The following TUFM variants were observed in gnomAD, a reference collection of about 807,000 sequenced individuals.
TUFM encodes the protein Tu translation elongation factor, mitochondrial.
A neutral mutation model predicts 45.0 loss-of-function variants in TUFM; 23 were observed. The observed-to-expected ratio is 0.51, with a 90% CI of 0.37 to 0.72. The LOEUF is 0.72. Among genes scored for constraint, TUFM ranks in the 30% least tolerant of loss-of-function variants. The pLI, the probability that TUFM is intolerant of heterozygous loss-of-function variation, is 0.00. For missense variants in TUFM, 490 were observed against 610.7 expected (o/e 0.80, Z 2.08); for synonymous variants, 243 against 252.9 (o/e 0.96, Z 0.37).
Position 28,842,818 on chromosome 16 carries a change from C to G in TUFM, c.*157G>C, listed in dbSNP as rs888577395. 1.0e-6 allele frequency: 1 copy of G among 971,570 alleles called. No homozygotes were observed. The highest frequency in any genetic ancestry group is 1.6e-6 in the Non-Finnish European group (1 of 614,354). The allele number at this position is 971,570 out of a possible 1,614,324, so 60.2% of individuals were successfully genotyped here. On this transcript the variant is annotated 3_prime_UTR_variant, in exon 10 of 10. Transcript: ENST00000313511. The stretch of plus-strand genomic sequence containing the variant: ...ACTATTCAAAGTTTACTGACCTCCC[C>G]AGCCAGGCAGGCCAACCCTTCCGAG...
Position 28,844,907 on chromosome 16 carries a change from C to T in TUFM, c.519+44G>A, listed in dbSNP as rs770116162. 7.4e-6 allele frequency: 12 copies of T among 1,614,144 alleles called. No individual in the cohort carries two copies. In the East Asian group the frequency reaches 2.7e-4, roughly 36 times the overall value. On this transcript the variant is annotated intron_variant, in intron 4 of 9. Transcript: ENST00000313511. This position sits in a 1 kb window ranked among gnomAD's most constrained non-coding sequence, Gnocchi z 5.8. The stretch of plus-strand genomic sequence containing the variant: ...AGGGACAATATACAGAGGGGCCCAA[C>T]TCCCCACTCTTCCCTTTTGCATCCT...
rs1383211057 is a variant in TUFM, at chr16:28,842,714, C to G, written c.*261G>C. 1 of 522,912 alleles carries G rather than the reference C, an allele frequency of 1.9e-6. No homozygotes were observed. The highest frequency in any genetic ancestry group is 1.9e-5 in the African/African-American group (1 of 52,062). The allele number at this position is 522,912 out of a possible 1,614,324, so 32.4% of individuals were successfully genotyped here. A position where few individuals can be genotyped will look rare whatever the true frequency, so the allele number is the denominator to read the frequency against. On this transcript the variant is annotated 3_prime_UTR_variant, in exon 10 of 10. Coordinates refer to ENST00000313511, the MANE Select transcript of TUFM (RefSeq NM_003321.5). Reference sequence around the variant, plus strand: ...CTCTGGGATCTCACAAGCTCCCCATCTGTCTGGGGTTCAACACCCTTTTTG... The same window carrying G: ...CTCTGGGATCTCACAAGCTCCCCATGTGTCTGGGGTTCAACACCCTTTTTG...
Position 28,842,884 on chromosome 16 carries a change from G to C in TUFM, c.*91C>G, listed in dbSNP as rs1184833141. On this transcript the variant is annotated 3_prime_UTR_variant, in exon 10 of 10. Transcript: ENST00000313511. Reference sequence around the variant, plus strand: ...TCTAGCTGCCCTCTGCTGGGTTGCAGCCTATGCCATGAGAGGGTACTGGAA... The same window carrying C: ...TCTAGCTGCCCTCTGCTGGGTTGCACCCTATGCCATGAGAGGGTACTGGAA... 3 of 1,535,834 alleles carry C rather than the reference G, an allele frequency of 2.0e-6. No individual in the cohort carries two copies. In the Admixed American group the frequency reaches 5.0e-5, roughly 26 times the overall value.
At chr16:28,845,858 G>T in intron 2 of TUFM, 54 bp downstream of exon 2, 1 of 1,603,746 alleles carries the variant, frequency 6.2e-7, no homozygotes, top group Non-Finnish European at 8.5e-7. Flanking sequence ...TGCCTCCCTG[G>T]CTCCAGGTCC....
In TUFM at chr16:28,843,997, T is replaced by G. The variant is rs775054744; in HGVS notation, c.1027A>C (p.Met343Leu). The G allele has an allele frequency of 8.1e-5, 130 of 1,613,984 alleles. No homozygotes were observed. Among genetic ancestry groups the G allele is most frequent in the Non-Finnish European group, 1.1e-4 (126 of 1,180,028 alleles). ...KREDLRRGLVMVKPGSIKPHQ... is the reference protein window; with the variant it reads ...KREDLRRGLVLVKPGSIKPHQ... ...GGCTTGATGGAACCTGGCTTGACCA[T>G]GACCAGGCCCCGCCGCAAGTCCTCC... The change falls in exon 8 of 10, where the codon ATG (methionine) becomes CTG (leucine). Residue 343 changes from methionine (M) to leucine (L), a missense_variant. Physicochemically the swap from Met to Leu is conservative, Grantham distance 15. Transcript: ENST00000313511.
At position 28,846,052 on chromosome 16, in the gene TUFM, G is replaced by A. The variant is rs1041039055; in HGVS notation, c.107C>T (p.Ala36Val). Residue 36 changes from alanine to valine, a missense_variant, in exon 2 of 10, where the codon GCC (alanine) becomes GTC (valine). Physicochemically the swap from Ala to Val is moderately conservative, Grantham distance 64. Coordinates refer to ENST00000313511, the MANE Select transcript of TUFM (RefSeq NM_003321.5). Reference protein sequence around the residue: ...LLQGLLRLLKAPALPLLCRGL... With the variant: ...LLQGLLRLLKVPALPLLCRGL... Reference sequence around the variant, plus strand: ...GCGGCACAAGAGAGGCAATGCCGGGGCTTTCAGCAGCCGCAACAGACCCTG... The same window carrying A: ...GCGGCACAAGAGAGGCAATGCCGGGACTTTCAGCAGCCGCAACAGACCCTG... The A allele has an allele frequency of 8.7e-6, 14 of 1,613,682 alleles. No homozygotes were observed. The highest frequency in any genetic ancestry group is 1.1e-5 in the Non-Finnish European group (13 of 1,179,930).
chr16:28,845,609 A>G, intron 2 of TUFM, 129 bp from the exon 3 acceptor site: 1 of 1,222,322 alleles, frequency 8.2e-7, no homozygotes. Flanking sequence ...CAGCAGAGAG[A>G]ACTGTGGGTC....
In TUFM at chr16:28,846,253, G is replaced by A. The variant is rs1389713655; in HGVS notation, c.17C>T (p.Ala6Val). 7.7e-6 allele frequency: 12 copies of A among 1,563,788 alleles called. No individual in the cohort carries two copies. In the Middle Eastern group the frequency reaches 6.7e-4, roughly 87 times the overall value. Residue 6 changes from alanine to valine, a missense_variant, in exon 1 of 10, where the codon GCC becomes GTC. Coordinates refer to ENST00000313511, the MANE Select transcript of TUFM (RefSeq NM_003321.5). ...GGGCGTCGCGCGCAGCAGGGTGGCG[G>A]CCGCCATTGTGGTCATACTCGCGCC... is the stretch of plus-strand genomic sequence containing the variant. MTTMA[A>V]ATLLRATPHF...
In TUFM at chr16:28,845,371, G is replaced by A. The variant is rs1961915144; in HGVS notation, c.357C>T (p.Ser119=). 1.9e-6 allele frequency: 3 copies of A among 1,613,900 alleles called. No individual in the cohort carries two copies. Among genetic ancestry groups the A allele is most frequent in the African/African-American group, 1.3e-5 (1 of 74,886 alleles). ...TGTGGGCGTAGTGGCGGGCGGCAGTGCTATACTCCACATGAGCCGCATTGA... is the reference window on the plus strand; with the variant it reads ...TGTGGGCGTAGTGGCGGGCGGCAGTACTATACTCCACATGAGCCGCATTGA... ...ITINAAHVEY[S]TAARHYAHTD... Residue 119 remains serine (S), a synonymous_variant, in exon 3 of 10, where the codon AGC becomes AGT. Transcript: ENST00000313511.
chr16:28,843,095 T>C lies in TUFM; in HGVS notation c.1248A>G (p.Pro416=), dbSNP rs759602167. The C allele has an allele frequency of 1.2e-6, 2 of 1,614,228 alleles. No individual in the cohort carries two copies. The highest frequency in any genetic ancestry group is 1.7e-5 in the Admixed American group (1 of 60,022). The part of the protein sequence containing the change: ...DLKFNLILRQ[P]MILEKGQRFT... ...AACGCTGGCCTTTCTCTAAGATCAT[T>C]GGCTGCCGCAAGATTAGGTTGAACT... is the stretch of plus-strand genomic sequence containing the variant. Residue 416 remains proline (P), a synonymous_variant, in exon 10 of 10, where the codon CCA becomes CCG. Transcript: ENST00000313511.
chr16:28,846,159 G>T, intron 1 of TUFM, 53 bp from the exon 2 acceptor site: 4 of 1,604,348 alleles, frequency 2.5e-6, no homozygotes, highest in Non-Finnish European at 3.4e-6. Flanking sequence ...ACCGAACCCA[G>T]CCACCTACCA....
In TUFM at chr16:28,844,192, T is replaced by G. The variant is rs780194337; in HGVS notation, c.922+38A>C. The G allele has an allele frequency of 2.8e-4, 446 of 1,613,472 alleles. No individual in the cohort carries two copies. The highest frequency in any genetic ancestry group is 3.7e-4 in the Non-Finnish European group (437 of 1,179,506). On this transcript the variant is annotated intron_variant, in intron 7 of 9. Coordinates refer to ENST00000313511, the MANE Select transcript of TUFM (RefSeq NM_003321.5). The surrounding 1 kb of genome is among the most constrained non-coding windows in gnomAD (Gnocchi z 5.8). ...GGGATCTGCCGGGGTAAGGCCACCC[T>G]TCAGCCAGGCCCTGCTCTCCAGACT... is the stretch of plus-strand genomic sequence containing the variant.
chr16:28,843,792 C>T lies in TUFM; in HGVS notation c.1138G>A (p.Val380Ile). 6.2e-7 allele frequency: 1 copy of T among 1,614,046 alleles called. No homozygotes were observed. Among genetic ancestry groups the T allele is most frequent in the Non-Finnish European group, 8.5e-7 (1 of 1,180,030 alleles). ...ATGTCCCAAGTCAGGGAGAACATGA[C>T]AGGCATGAAGTGGGACACAAAGGGC... The part of the protein sequence containing the change: ...HKPFVSHFMP[V>I]MFSLTWDMAC... Residue 380 changes from valine (V) to isoleucine (I), a missense_variant, in exon 9 of 10, where the codon GTC becomes ATC. Transcript: ENST00000313511.
Position 28,842,879 on chromosome 16 carries a change from T to C in TUFM, c.*96A>G, listed in dbSNP as rs190216362. On this transcript the variant is annotated 3_prime_UTR_variant, in exon 10 of 10. Coordinates refer to ENST00000313511, the MANE Select transcript of TUFM (RefSeq NM_003321.5). ...GTCCATCTAGCTGCCCTCTGCTGGG[T>C]TGCAGCCTATGCCATGAGAGGGTAC... The C allele has an allele frequency of 2.0e-6, 3 of 1,507,954 alleles. No homozygotes were observed. Among genetic ancestry groups the C allele is most frequent in the African/African-American group, 2.8e-5 (2 of 72,608 alleles). The allele number at this position is 1,507,954 out of a possible 1,614,324, so 93.4% of individuals were successfully genotyped here. A position where few individuals can be genotyped will look rare whatever the true frequency, so the allele number is the denominator to read the frequency against.
chr16:28,846,344 A>T lies in TUFM; in HGVS notation c.-75T>A. 1 of 1,506,520 alleles carries T rather than the reference A, an allele frequency of 6.6e-7. No homozygotes were observed. The highest frequency in any genetic ancestry group is 9.0e-7 in the Non-Finnish European group (1 of 1,114,310). 93.3% of individuals were successfully genotyped at this position (1,506,520 alleles called of 1,614,324 possible). ...GAAGAAGAAGGGCGCCTGCGGCTGG[A>T]AGGCACTTCCGGCGGAAGTTAGAGC... On this transcript the variant is annotated 5_prime_UTR_variant, in exon 1 of 10. Coordinates refer to ENST00000313511, the MANE Select transcript of TUFM (RefSeq NM_003321.5).
Position 28,845,038 on chromosome 16 carries a change from A to G in TUFM, c.432T>C (p.Thr144=), listed in dbSNP as rs775545673. Residue 144 remains threonine (T), a synonymous_variant, in exon 4 of 10, where the codon ACT becomes ACC. Transcript: ENST00000313511. ...ADYVKNMITG[T]APLDGCILVV... Reference sequence around the variant, plus strand: ...CCAGGATGCAGCCGTCGAGGGGTGCAGTGCCTGTGATCATATTCTGGAGAG... The same window carrying G: ...CCAGGATGCAGCCGTCGAGGGGTGCGGTGCCTGTGATCATATTCTGGAGAG... 25 of 1,614,052 alleles carry G rather than the reference A, an allele frequency of 1.5e-5. No homozygotes were observed. The South Asian group carries it at 1.8e-4, about 11-fold the overall frequency.
At position 28,844,227 on chromosome 16, in the gene TUFM, A is replaced by G. The variant is rs1961873278; in HGVS notation, c.922+3T>C. 1 of 1,614,170 alleles carries G rather than the reference A, an allele frequency of 6.2e-7. No individual in the cohort carries two copies. Among genetic ancestry groups the G allele is most frequent in the Non-Finnish European group, 8.5e-7 (1 of 1,180,012 alleles). ...CCCTGCTCTCCAGACTGGCTTCCCA[A>G]ACCTGTCACCACAGTGCGGATGTTC... is the stretch of plus-strand genomic sequence containing the variant. On this transcript the variant is annotated splice_donor_region_variant and intron_variant, in intron 7 of 9. Coordinates refer to ENST00000313511, the MANE Select transcript of TUFM (RefSeq NM_003321.5). This position sits in a 1 kb window ranked among gnomAD's most constrained non-coding sequence, Gnocchi z 5.8.
rs755627049 is a variant in TUFM at position 28,845,997 on chromosome 16, G to A, written c.162C>T (p.Tyr54=). The part of the protein sequence containing the change: ...RGLAVEAKKT[Y]VRDKPHVNVG... Reference sequence around the variant, plus strand: ...CATTCACATGTGGCTTGTCGCGCACGTAAGTCTTCTTGGCCTCCACGGCCA... The same window carrying A: ...CATTCACATGTGGCTTGTCGCGCACATAAGTCTTCTTGGCCTCCACGGCCA... Residue 54 remains tyrosine, a synonymous_variant, in exon 2 of 10, where the codon TAC becomes TAT. Coordinates refer to ENST00000313511, the MANE Select transcript of TUFM (RefSeq NM_003321.5). 28 of 1,613,886 alleles carry A rather than the reference G, an allele frequency of 1.7e-5. No homozygotes were observed. The highest frequency in any genetic ancestry group is 2.2e-5 in the Non-Finnish European group (26 of 1,180,042).
In TUFM at chr16:28,845,473, A is replaced by G. The variant is rs769634878; in HGVS notation, c.255T>C (p.Ala85=). 1 of 1,614,016 alleles carries G rather than the reference A, an allele frequency of 6.2e-7. No homozygotes were observed. Among genetic ancestry groups the G allele is most frequent in the Non-Finnish European group, 8.5e-7 (1 of 1,180,036 alleles). The change falls in exon 3 of 10, where the codon GCT becomes GCC. Residue 85 remains alanine (A), a synonymous_variant. Coordinates refer to ENST00000313511, the MANE Select transcript of TUFM (RefSeq NM_003321.5). ...TLTAAITKIL[A]EGGGAKFKKY... ...TCTTGAACTTAGCCCCACCTCCCTC[A>G]GCTAGAACTAAAGGAGGAAAAGAAC...
Sources: gnomAD v4.1 joint callset for allele counts on GRCh38, gnomAD v4.1.1 for gene constraint, Gnocchi (gnomAD v3.1) non-coding constraint, MANE v1.5 for transcripts, NCBI Gene and HGNC (gene_info 2026-07-23, HGNC 2026-07-21) for gene names.